The following CIB4 variants were observed in gnomAD, a reference collection of about 807,000 sequenced individuals.
The protein encoded by CIB4 is calcium and integrin-binding family member 4.
Under a neutral mutation model 25.8 loss-of-function variants are expected in CIB4, and 25 were observed. That is an observed-to-expected ratio of 0.97 (90% CI 0.71 to 1.35). The LOEUF is 1.35. CIB4 is among the 40% of genes most tolerant of loss of function. The probability of loss-of-function intolerance (pLI) is 0.00; values close to 1 mark genes in which losing one functional copy is unlikely to be tolerated. For synonymous variants in CIB4, 75 were observed against 81.4 expected, an observed-to-expected ratio of 0.92 and a Z score of 0.42; for missense variants, 235 against 228.2, an observed-to-expected ratio of 1.03 and a Z score of -0.19.
intron 2 of CIB4, among the ~76,000 whole-genome samples, chr2:26,634,329 G>A (rs1304243966): frequency 6.6e-6 from 1 of 152,236 alleles, no homozygotes; most frequent in East Asian, 1.9e-4. Flanking sequence ...TCTTTAGCCT[G>A]AAAATGTGGC....
intron 3 of CIB4, among the ~76,000 whole-genome samples, chr2:26,615,363 T>C (rs1045793862): frequency 6.6e-6 from 1 of 152,152 alleles, no homozygotes; most frequent in Non-Finnish European, 1.5e-5. Flanking sequence ...AGGTACCACA[T>C]AGGCTGCAGG....
intron 4 of CIB4, among the ~76,000 whole-genome samples, chr2:26,588,662 T>C (rs1016915453): frequency 1.1e-4 from 17 of 152,222 alleles, no homozygotes; most frequent in African/African-American, 4.1e-4. Flanking sequence ...CTGAGGTTTC[T>C]TCCTTTGCCT....
At chr2:26,630,795 A>G (rs1282606099) in intron 2 of CIB4, among the ~76,000 whole-genome samples, 2 of 151,974 alleles carry the variant, frequency 1.3e-5, no homozygotes, top group Admixed American at 1.3e-4. Context: ...GGTAGGTAAG[A>G]GTGTTTGTGT....
intron 3 of CIB4, among the ~76,000 whole-genome samples, chr2:26,601,056 C>CA (rs1184501782): frequency 1.3e-5 from 2 of 150,758 alleles, no homozygotes; most frequent in Non-Finnish European, 3.0e-5. Context: ...CCTGTCTCTA[C>CA]AAAAAAAATT....
chr2:26,601,230 AAATATAT>A (rs1251290063), intron 3 of CIB4, among the ~76,000 whole-genome samples: 3,205 of 46,960 alleles, frequency 0.068, 212 homozygotes, highest in African/African-American at 0.12. Flanking sequence ...AAAAAAAAAA[AAATATAT>A]ATATATATAT....
chr2:26,619,930 C>G (rs866910769), intron 3 of CIB4, among the ~76,000 whole-genome samples: 1 of 148,882 alleles, frequency 6.7e-6, no homozygotes, highest in Non-Finnish European at 1.5e-5. Flanking sequence ...CCGGAATCCC[C>G]TACAGACTCC....
At chr2:26,586,030 G>T (rs115518581) in intron 4 of CIB4, among the ~76,000 whole-genome samples, 1 of 151,960 alleles carries the variant, frequency 6.6e-6, no homozygotes, top group African/African-American at 2.4e-5. Context: ...CCAGCTCCCC[G>T]CACTTCCCAT....
chr2:26,601,606 G>A (rs910030970), intron 3 of CIB4, among the ~76,000 whole-genome samples: 13 of 151,116 alleles, frequency 8.6e-5, no homozygotes, highest in African/African-American at 3.2e-4. Context: ...ATAATCTCGG[G>A]GGCAAAGACT....
chr2:26,601,547 T>G (rs1485413989), intron 3 of CIB4, among the ~76,000 whole-genome samples: 1 of 151,762 alleles, frequency 6.6e-6, no homozygotes, highest in African/African-American at 2.4e-5. Flanking sequence ...AGATCTAATA[T>G]GTAGGACTAA....
intron 3 of CIB4, among the ~76,000 whole-genome samples, chr2:26,612,690 TG>T (rs1669019508): frequency 6.6e-6 from 1 of 152,076 alleles, no homozygotes; most frequent in South Asian, 2.1e-4. Context: ...CAGGAGCAGC[TG>T]GCCAAGCGAG....
At chr2:26,640,101 C>CAGGG (rs781597774) in intron 2 of CIB4, among the ~76,000 whole-genome samples, 55 of 106,792 alleles carry the variant, frequency 5.2e-4, no homozygotes, top group Middle Eastern at 4.8e-3. Context: ...GGAGAAAGGG[C>CAGGG]AGGGAGGGAG....
intron 3 of CIB4, among the ~76,000 whole-genome samples, chr2:26,618,808 G>A (rs564724725): frequency 9.9e-5 from 15 of 152,240 alleles, no homozygotes; most frequent in African/African-American, 2.2e-4. Context: ...TTGCATGGCC[G>A]CCCAGGAAGC....
At chr2:26,633,505 C>T (rs1669473671) in intron 2 of CIB4, among the ~76,000 whole-genome samples, 1 of 152,170 alleles carries the variant, frequency 6.6e-6, no homozygotes, top group Admixed American at 6.5e-5. Context: ...CGAGTCACCC[C>T]CCTGGAAAGT....
intron 5 of CIB4, 42 bp from the exon 6 acceptor site, chr2:26,582,955 T>A: frequency 7.1e-7 from 1 of 1,405,036 alleles, no homozygotes; most frequent in Non-Finnish European, 1.0e-6. Flanking sequence ...GAACCCCATG[T>A]CAGGCAGTGA....
At chr2:26,622,466 A>C (rs1669224946) in intron 3 of CIB4, among the ~76,000 whole-genome samples, 1 of 152,148 alleles carries the variant, frequency 6.6e-6, no homozygotes, top group Non-Finnish European at 1.5e-5. Flanking sequence ...GGAGTGAGGA[A>C]TAGGATGGGT....
At chr2:26,614,632 C>T (rs770933027) in intron 3 of CIB4, among the ~76,000 whole-genome samples, 11 of 152,140 alleles carry the variant, frequency 7.2e-5, no homozygotes, top group African/African-American at 1.2e-4. Context: ...CTCCATCTCC[C>T]GAGCCTCCAT....
At chr2:26,605,928 A>C (rs907354770) in intron 3 of CIB4, among the ~76,000 whole-genome samples, 3 of 152,140 alleles carry the variant, frequency 2.0e-5, no homozygotes, top group African/African-American at 7.2e-5. Context: ...TCCCAAGAAA[A>C]TGTTTCAAAA....
intron 4 of CIB4, among the ~76,000 whole-genome samples, chr2:26,592,438 G>T (rs182273118): frequency 6.6e-6 from 1 of 152,218 alleles, no homozygotes; most frequent in African/African-American, 2.4e-5. Context: ...CAGAATTTGG[G>T]TATGTGATTT....
intron 3 of CIB4, among the ~76,000 whole-genome samples, chr2:26,610,402 C>G (rs543327008): frequency 1.8e-4 from 27 of 152,288 alleles, no homozygotes; most frequent in African/African-American, 5.3e-4. Context: ...CGCTCAGTGA[C>G]TCTTTAAACA....
Sources: gnomAD v4.1 joint callset for allele counts (sites outside exome capture counted in the v4.1 genomes callset) on GRCh38, gnomAD v4.1.1 for gene constraint, MANE v1.5 for transcripts, NCBI Gene and HGNC (gene_info 2026-07-23, HGNC 2026-07-21) for gene names.